Variants in MED27 observed in about 807,000 individuals in gnomAD.
MED27 encodes the protein mediator of RNA polymerase II transcription subunit 27.
MED27 carries 30 observed loss-of-function variants against 38.2 expected under a neutral mutation model. The ratio of observed to expected loss-of-function variants is 0.79; its 90% CI spans 0.59 to 1.07. The LOEUF (loss-of-function observed/expected upper bound fraction) is 1.07, where lower values mean the gene tolerates loss of function less well. Ranked by LOEUF, MED27 falls within the 50% of genes least tolerant of loss-of-function variation. The pLI, the probability that MED27 is intolerant of heterozygous loss-of-function variation, is 0.00. For missense variants in MED27, 289 were observed against 397.5 expected (o/e 0.73, Z 2.32); for synonymous variants, 122 against 153.5 (o/e 0.79, Z 1.52).
chr9:131,922,655 T>C (rs1830416340), intron 4 of MED27, among the ~76,000 whole-genome samples: 1 of 152,072 alleles, frequency 6.6e-6, no homozygotes, highest in South Asian at 2.1e-4. Flanking sequence ...ATTATTATTA[T>C]ACTTTTAGTT....
chr9:131,889,390 A>ATTTTTTT lies in MED27; in HGVS notation c.681+4488_681+4494dup, dbSNP rs988000954. Among the ~76,000 whole-genome samples, 1 of 151,430 alleles carries ATTTTTTT rather than the reference A, an allele frequency of 6.6e-6. No individual in the cohort carries two copies. The highest frequency in any genetic ancestry group is 1.5e-5 in the Non-Finnish European group (1 of 67,874). ...AAAAAGTTAAATTCGAACGAGACAC[A>ATTTTTTT]TTTTTTTTTCAGTTAAGTCTGACTG... On this transcript the variant is annotated intron_variant, in intron 5 of 7. Transcript: ENST00000292035. The surrounding 1 kb of genome is among the most constrained non-coding windows in gnomAD (Gnocchi z 4.2).
At chr9:131,868,360 C>T (rs1838771134) in intron 6 of MED27, among the ~76,000 whole-genome samples, 1 of 152,204 alleles carries the variant, frequency 6.6e-6, no homozygotes, top group Non-Finnish European at 1.5e-5. Context: ...CTCAGTGCAG[C>T]CTTGACCTCC....
At chr9:132,047,140 G>T (rs997750887) in intron 2 of MED27, among the ~76,000 whole-genome samples, 1 of 152,022 alleles carries the variant, frequency 6.6e-6, no homozygotes, top group Admixed American at 6.6e-5. Context: ...GATTGTACTT[G>T]TTTCAGGGAT....
At chr9:132,001,424 C>T (rs902969136) in intron 3 of MED27, among the ~76,000 whole-genome samples, 2 of 152,052 alleles carry the variant, frequency 1.3e-5, no homozygotes, top group African/African-American at 4.8e-5. Flanking sequence ...CATCAGATCA[C>T]AATAAATTAA....
intron 6 of MED27, among the ~76,000 whole-genome samples, chr9:131,870,636 C>G (rs1382961460): frequency 6.6e-6 from 1 of 152,142 alleles, no homozygotes; most frequent in Non-Finnish European, 1.5e-5. Context: ...CCACTCCAGG[C>G]CTCTTGGGGT....
Position 131,860,580 on chromosome 9 carries a change from A to T in MED27, c.894T>A (p.Asp298Glu). The change falls in exon 8 of 8, where the codon GAT becomes GAA. Residue 298 changes from aspartate (D) to glutamate (E), a missense_variant. Asp to Glu is a conservative substitution (Grantham distance 45). Transcript: ENST00000292035. This position sits in a 1 kb window ranked among gnomAD's most constrained non-coding sequence, Gnocchi z 5.8. ...CATGGAAGGCTTCGAGGGTTCGGAA[A>T]TCCCTCCATGTCGGGGGAAGGCCGT... Reference protein sequence around the residue: ...LQDGLPPTWRDFRTLEAFHDT... With the variant: ...LQDGLPPTWREFRTLEAFHDT... 1 of 1,594,116 alleles carries T rather than the reference A, an allele frequency of 6.3e-7. No individual in the cohort carries two copies. The highest frequency in any genetic ancestry group is 8.5e-7 in the Non-Finnish European group (1 of 1,170,426).
intron 5 of MED27, among the ~76,000 whole-genome samples, chr9:131,893,002 C>T (rs1839254026): frequency 1.3e-5 from 2 of 152,234 alleles, no homozygotes; most frequent in African/African-American, 4.8e-5. Flanking sequence ...CTCATTATAT[C>T]ACGGGCTGTG....
rs1196384700 is a variant in MED27, at chr9:131,997,024, G to C, written c.479+17313C>G. On this transcript the variant is annotated intron_variant, in intron 3 of 7. Coordinates refer to ENST00000292035, the MANE Select transcript of MED27 (RefSeq NM_004269.4). The surrounding 1 kb of genome is among the most constrained non-coding windows in gnomAD (Gnocchi z 4.0). ...AGTCACGCACATTTTTGACTATGGT[G>C]GGGGATGGGTACCCCTAACGCTGTG... Among the ~76,000 whole-genome samples, 1 of 152,156 alleles carries C rather than the reference G, an allele frequency of 6.6e-6. No homozygotes were observed. Among genetic ancestry groups the C allele is most frequent in the Non-Finnish European group, 1.5e-5 (1 of 68,024 alleles).
intron 4 of MED27, among the ~76,000 whole-genome samples, chr9:131,920,278 G>T (rs142914473): frequency 1.3e-5 from 2 of 152,148 alleles, no homozygotes. Flanking sequence ...TTATCAATAG[G>T]TATATGTCTG....
intron 3 of MED27, among the ~76,000 whole-genome samples, chr9:131,955,452 A>G (rs1831077184): frequency 6.6e-6 from 1 of 152,226 alleles, no homozygotes; most frequent in Non-Finnish European, 1.5e-5. Flanking sequence ...ATACAGAAAA[A>G]TCACCAAAAC....
intron 3 of MED27, among the ~76,000 whole-genome samples, chr9:131,994,049 A>T (rs1429454002): frequency 6.6e-6 from 1 of 152,198 alleles, no homozygotes; most frequent in Non-Finnish European, 1.5e-5. Context: ...TGTTTCTATT[A>T]ATCTTTCTTA....
chr9:131,976,173 C>T (rs1831604537), intron 3 of MED27, among the ~76,000 whole-genome samples: 2 of 152,090 alleles, frequency 1.3e-5, no homozygotes, highest in Admixed American at 6.5e-5. Context: ...AAAGACACCT[C>T]GGGACTTGCT....
chr9:131,912,484 C>G lies in MED27; in HGVS notation c.574-18492G>C, dbSNP rs1830209621. 2.0e-5 allele frequency among the ~76,000 whole-genome samples: 3 copies of G among 152,166 alleles called. No individual in the cohort carries two copies. The South Asian group carries it at 6.2e-4, about 31-fold the overall frequency. ...GTTTGATACCACACCTGACTTCACT[C>G]ACTCCCATGTCACTCCCTGCAGGCA... On this transcript the variant is annotated intron_variant, in intron 4 of 7. Coordinates refer to ENST00000292035, the MANE Select transcript of MED27 (RefSeq NM_004269.4).
intron 4 of MED27, among the ~76,000 whole-genome samples, chr9:131,912,709 T>C (rs1251017296): frequency 6.6e-6 from 1 of 152,198 alleles, no homozygotes; most frequent in Non-Finnish European, 1.5e-5. Flanking sequence ...ACTCTTAAAT[T>C]CCTTTTTATG....
intron 3 of MED27, among the ~76,000 whole-genome samples, chr9:131,949,059 G>T (rs895028260): frequency 6.6e-6 from 1 of 152,178 alleles, no homozygotes; most frequent in African/African-American, 2.4e-5. Context: ...GGTACGTCAT[G>T]AACTAGAACA....
At chr9:131,886,473 A>T (rs1839142887) in intron 5 of MED27, among the ~76,000 whole-genome samples, 1 of 152,150 alleles carries the variant, frequency 6.6e-6, no homozygotes, top group Non-Finnish European at 1.5e-5. Context: ...CATTGCCACA[A>T]AAACCCTCAA....
chr9:131,888,153 C>A (rs540364069), intron 5 of MED27, among the ~76,000 whole-genome samples: 1 of 152,230 alleles, frequency 6.6e-6, no homozygotes, highest in Non-Finnish European at 1.5e-5. Flanking sequence ...TCCATCACAA[C>A]CAGCAAGGGC....
intron 6 of MED27, among the ~76,000 whole-genome samples, chr9:131,870,996 T>A (rs997969724): frequency 2.6e-5 from 4 of 152,224 alleles, no homozygotes; most frequent in Non-Finnish European, 5.9e-5. Flanking sequence ...GCCCACACAT[T>A]CATCGAGGGA....
intron 2 of MED27, among the ~76,000 whole-genome samples, chr9:132,070,348 G>A (rs1293118579): frequency 6.6e-6 from 1 of 152,206 alleles, no homozygotes; most frequent in African/African-American, 2.4e-5. Context: ...TTGAACCTAG[G>A]AGTTTGAAAC....
Sources: allele counts gnomAD v4.1 joint callset (sites outside exome capture counted in the v4.1 genomes callset), GRCh38; gene constraint gnomAD v4.1.1; non-coding constraint Gnocchi (gnomAD v3.1); transcripts MANE v1.5; gene names NCBI Gene and HGNC (gene_info 2026-07-23, HGNC 2026-07-21).